MYCBP2: variants seen among roughly 807,000 people sequenced by gnomAD.
MYCBP2 encodes the protein E3 ubiquitin-protein ligase MYCBP2.
In MYCBP2, 120 loss-of-function variants were observed where a neutral mutation model predicts 525.3. That is an observed-to-expected ratio of 0.23 (90% CI 0.20 to 0.27). The LOEUF (loss-of-function observed/expected upper bound fraction) is 0.27. MYCBP2 is among the 10% of genes least tolerant of loss of function. The pLI is 1.00. For missense variants in MYCBP2, 4,149 were observed against 5,657.1 expected (o/e 0.73, Z 8.55); for synonymous variants, 1,894 against 1,955.8 (o/e 0.97, Z 0.83).
chr13:77,281,843 T>C (rs974524931), intron 3 of MYCBP2, among the ~76,000 whole-genome samples: 4 of 152,224 alleles, frequency 2.6e-5, no homozygotes, highest in Non-Finnish European at 5.9e-5. Flanking sequence ...ATTAATTCTT[T>C]ACCCTTAAAA....
chr13:77,082,017 T>C (rs749125293), intron 63 of MYCBP2, 24 bp from the exon 64 acceptor site: 9 of 1,600,110 alleles, frequency 5.6e-6, no homozygotes, highest in African/African-American at 1.3e-5. Flanking sequence ...ATATAAGCAA[T>C]ATACGAAATA....
chr13:77,074,455 A>T (rs1400692633), intron 68 of MYCBP2, among the ~76,000 whole-genome samples: 1 of 152,214 alleles, frequency 6.6e-6, no homozygotes, highest in African/African-American at 2.4e-5. Context: ...ACTGGACTTT[A>T]TCAAACTTAA....
rs553728233 is a variant in MYCBP2, at chr13:77,281,448, G to A, written c.595-2537C>T. 1.3e-4 allele frequency among the ~76,000 whole-genome samples: 19 copies of A among 151,872 alleles called. No individual in the cohort carries two copies. The South Asian group carries it at 2.9e-3, about 23-fold the overall frequency. On this transcript the variant is annotated intron_variant, in intron 3 of 82. Transcript: ENST00000544440. ...AAAAATAATAATTATAACAATAAAA[G>A]AACACAAGAAGCTTCAATACTTTCC...
intron 2 of MYCBP2, among the ~76,000 whole-genome samples, chr13:77,291,804 C>T (rs976750491): frequency 6.6e-6 from 1 of 151,906 alleles, no homozygotes; most frequent in Non-Finnish European, 1.5e-5. Context: ...CGTACATTTA[C>T]CGTGCCCACT....
At position 77,185,394 on chromosome 13, in the gene MYCBP2, G is replaced by A. The variant is rs760344525; in HGVS notation, c.4445-17C>T. On this transcript the variant is annotated splice_polypyrimidine_tract_variant and intron_variant, in intron 31 of 82. Transcript: ENST00000544440. Reference sequence around the variant, plus strand: ...TTCCTGTAGCTTTGAGGGGGAAAAAGCAGATTGGTAATTAAGCAAAATATT... The same window carrying A: ...TTCCTGTAGCTTTGAGGGGGAAAAAACAGATTGGTAATTAAGCAAAATATT... 2 of 1,599,862 alleles carry A rather than the reference G, an allele frequency of 1.3e-6. No homozygotes were observed. The highest frequency in any genetic ancestry group is 2.2e-5 in the East Asian group (1 of 44,630).
chr13:77,200,020 C>T (rs2062294809), intron 26 of MYCBP2, among the ~76,000 whole-genome samples: 1 of 152,172 alleles, frequency 6.6e-6, no homozygotes, highest in South Asian at 2.1e-4. Context: ...TCCTCACCAG[C>T]AACGGAACAA....
rs60949122 is a variant in MYCBP2, at chr13:77,263,597, G to A, written c.1570+54C>T. ...GAAAACACAATGTTCATTTTTAAGA[G>A]TATGAAAAATTGAAAATTAAAATAT... On this transcript the variant is annotated intron_variant, in intron 10 of 82. Transcript: ENST00000544440. 8,914 of 1,463,914 alleles carry A rather than the reference G, an allele frequency of 6.1e-3. 413 individuals are homozygous for A. In the African/African-American group the frequency reaches 0.1, roughly 17 times the overall value. The allele number at this position is 1,463,914 out of a possible 1,614,324, so 90.7% of individuals were successfully genotyped here. A position where few individuals can be genotyped will look rare whatever the true frequency, so the allele number is the denominator to read the frequency against.
intron 24 of MYCBP2, 71 bp from the exon 25 acceptor site, chr13:77,205,669 G>A: frequency 7.8e-7 from 1 of 1,286,892 alleles, no homozygotes. Context: ...GACATTAAAT[G>A]CTATAGGGGA....
At position 77,126,376 on chromosome 13, in the gene MYCBP2, AG is replaced by A; in HGVS notation, c.7825del (p.Arg2610GlufsTer8). 1.9e-6 allele frequency: 3 copies of A among 1,613,920 alleles called. No homozygotes were observed. Among genetic ancestry groups the A allele is most frequent in the Non-Finnish European group, 2.5e-6 (3 of 1,179,826 alleles). ...SGHNIRSCPN[L>X]RGIPIGMLVL... is the part of the protein sequence containing the mutation. Reference sequence around the variant, plus strand: ...TAACATTCCAATTGGGATACCTCTAAGGTTAGGGCAGCTTCTGATGTTGTGA... The same window carrying A: ...TAACATTCCAATTGGGATACCTCTAAGTTAGGGCAGCTTCTGATGTTGTGA... On this transcript the variant is annotated frameshift_variant, in exon 53 of 83. Transcript: ENST00000544440. LOFTEE classifies it high-confidence loss of function.
chr13:77,150,779 T>C lies in MYCBP2; in HGVS notation c.7086A>G (p.Pro2362=). ...TATATCGAGCTTCCTTCACTATCAT[T>C]GGTTCATATGAAACATCTAGCTTTG... is the stretch of plus-strand genomic sequence containing the variant. The part of the protein sequence containing the change: ...ASPKLDVSYE[P]MIVKEARYIA... Residue 2362 remains proline (P), a synonymous_variant, in exon 47 of 83, where the codon CCA becomes CCG. Coordinates refer to ENST00000544440, the MANE Select transcript of MYCBP2 (RefSeq NM_015057.5). The C allele has an allele frequency of 1.2e-6, 2 of 1,614,180 alleles. No individual in the cohort carries two copies. The highest frequency in any genetic ancestry group is 1.7e-5 in the Admixed American group (1 of 60,034).
In MYCBP2 at chr13:77,327,060, G is replaced by A. The variant is rs1478833102; in HGVS notation, c.-285C>T. ...TGCCGCCGCCACCACCGCTACCACC[G>A]CCACCACCGCCGGGGCTACCCGCAA... On this transcript the variant is annotated 5_prime_UTR_variant, in exon 1 of 83. Coordinates refer to ENST00000544440, the MANE Select transcript of MYCBP2 (RefSeq NM_015057.5). 2.1e-5 allele frequency: 9 copies of A among 437,472 alleles called. No individual in the cohort carries two copies. Among genetic ancestry groups the A allele is most frequent in the African/African-American group, 4.1e-5 (2 of 48,766 alleles). 27.1% of individuals were successfully genotyped at this position (437,472 alleles called of 1,614,324 possible). A position where few individuals can be genotyped will look rare whatever the true frequency, so the allele number is the denominator to read the frequency against.
intron 2 of MYCBP2, among the ~76,000 whole-genome samples, chr13:77,295,093 G>A (rs1246074429): frequency 1.3e-5 from 2 of 152,094 alleles, no homozygotes; most frequent in African/African-American, 4.8e-5. Flanking sequence ...ACACACAGAG[G>A]AAGGCAGAAG....
At position 77,174,337 on chromosome 13, in the gene MYCBP2, T is replaced by C; in HGVS notation, c.5625A>G (p.Gly1875=). The part of the protein sequence containing the change: ...LSSNGTNQTR[G]QIPQILYYRS... ...TATAGTAGAGTATCTGTGGGATCTG[T>C]CCTCTGGTTTGGTTTGTGCCGTTAC... The change falls in exon 37 of 83, where the codon GGA becomes GGG. Residue 1875 remains glycine, a synonymous_variant. Transcript: ENST00000544440. 6.2e-7 allele frequency: 1 copy of C among 1,614,140 alleles called. No homozygotes were observed. The highest frequency in any genetic ancestry group is 1.3e-5 in the African/African-American group (1 of 75,048).
intron 78 of MYCBP2, among the ~76,000 whole-genome samples, chr13:77,057,666 T>C (rs1037973019): frequency 2.0e-5 from 3 of 152,160 alleles, no homozygotes; most frequent in Non-Finnish European, 4.4e-5. Context: ...GAATATTTTA[T>C]ACATTCTGTT....
chr13:77,193,768 G>A (rs185642173), intron 27 of MYCBP2, among the ~76,000 whole-genome samples: 1 of 152,054 alleles, frequency 6.6e-6, no homozygotes, highest in African/African-American at 2.4e-5. Context: ...CTGAATTATG[G>A]TCAAACATGA....
chr13:77,220,604 A>G (rs1348925163), intron 20 of MYCBP2, among the ~76,000 whole-genome samples: 1 of 152,200 alleles, frequency 6.6e-6, no homozygotes, highest in Non-Finnish European at 1.5e-5. Flanking sequence ...CTTGATTACT[A>G]GAGACTTTTC....
chr13:77,212,549 T>C lies in MYCBP2; in HGVS notation c.3058-389A>G, dbSNP rs545466644. 3.9e-5 allele frequency among the ~76,000 whole-genome samples: 6 copies of C among 152,306 alleles called. No individual in the cohort carries two copies. In the South Asian group the frequency reaches 8.3e-4, roughly 21 times the overall value. ...AAGTCACTTTGACATAGTAAGTTGA[T>C]AGTATAAAAGAAAGTCACTATTGAA... On this transcript the variant is annotated intron_variant, in intron 21 of 82. Coordinates refer to ENST00000544440, the MANE Select transcript of MYCBP2 (RefSeq NM_015057.5).
rs34441629 is a variant in MYCBP2 at position 77,228,691 on chromosome 13, T to TTGTGTG, written c.2738-3143_2738-3138dup. 3.0e-3 allele frequency among the ~76,000 whole-genome samples: 448 copies of TTGTGTG among 147,284 alleles called. 2 individuals carry two copies. Among genetic ancestry groups the TTGTGTG allele is most frequent in the African/African-American group, 9.8e-3 (390 of 39,938 alleles). ...CTGTATTTTCCCTAAGATGAATATG[T>TTGTGTG]TGTGTGTGTGTGTGTGTGTGTGTGT... On this transcript the variant is annotated intron_variant, in intron 18 of 82. Transcript: ENST00000544440.
intron 17 of MYCBP2, among the ~76,000 whole-genome samples, chr13:77,238,870 C>T (rs2068379560): frequency 6.6e-6 from 1 of 152,206 alleles, no homozygotes; most frequent in African/African-American, 2.4e-5. Flanking sequence ...GTGGCTCACA[C>T]CTGTACTCCC....
Sources: allele counts gnomAD v4.1 joint callset (sites outside exome capture counted in the v4.1 genomes callset), GRCh38; gene constraint gnomAD v4.1.1; transcripts MANE v1.5; gene names NCBI Gene and HGNC (gene_info 2026-07-23, HGNC 2026-07-21).